TMTC4: variants seen among roughly 807,000 people sequenced by gnomAD.
The protein encoded by TMTC4 is transmembrane O-mannosyltransferase targeting cadherins 4.
TMTC4 carries 65 observed loss-of-function variants against 86.0 expected under a neutral mutation model. The ratio of observed to expected loss-of-function variants is 0.76; its 90% CI spans 0.62 to 0.93. The LOEUF is 0.93. TMTC4 is among the 40% of genes least tolerant of loss of function. TMTC4 has a pLI of 0.00. For synonymous variants in TMTC4, 379 were observed against 382.5 expected, an observed-to-expected ratio of 0.99 and a Z score of 0.11; for missense variants, 866 against 948.1, an observed-to-expected ratio of 0.91 and a Z score of 1.14.
intron 6 of TMTC4, among the ~76,000 whole-genome samples, chr13:100,644,815 A>T (rs78514290): frequency 7.1e-6 from 1 of 141,266 alleles, no homozygotes; most frequent in African/African-American, 2.6e-5. Flanking sequence ...AAACACAACG[A>T]ACATACTTTT....
intron 15 of TMTC4, among the ~76,000 whole-genome samples, chr13:100,618,603 G>A (rs1878944927): frequency 6.6e-6 from 1 of 151,878 alleles, no homozygotes; most frequent in Non-Finnish European, 1.5e-5. Context: ...AGTGAACAAA[G>A]GTCTCTGGTT....
intron 6 of TMTC4, 61 bp from the exon 7 acceptor site, chr13:100,642,372 T>C: frequency 6.3e-7 from 1 of 1,578,886 alleles, no homozygotes; most frequent in Non-Finnish European, 8.7e-7. Flanking sequence ...TTTTTTAGCA[T>C]CAGGAACTAA....
chr13:100,661,565 C>A (rs1300781810), intron 5 of TMTC4, among the ~76,000 whole-genome samples: 3 of 152,098 alleles, frequency 2.0e-5, no homozygotes, highest in Admixed American at 6.6e-5. Flanking sequence ...GAACTCAGAT[C>A]GAAACAAAGT....
chr13:100,647,887 A>G (rs1054795726), intron 6 of TMTC4, among the ~76,000 whole-genome samples: 1 of 152,198 alleles, frequency 6.6e-6, no homozygotes, highest in African/African-American at 2.4e-5. Flanking sequence ...TAGAAAACAC[A>G]GCCTTCAGGT....
intron 18 of TMTC4, 148 bp downstream of exon 18, chr13:100,606,210 C>T: frequency 1.4e-6 from 1 of 728,620 alleles, no homozygotes; most frequent in Non-Finnish European, 2.4e-6. Context: ...TATCACTTTG[C>T]TATCTTTTTA....
At position 100,663,059 on chromosome 13, in the gene TMTC4, G is replaced by A. The variant is rs1885977182; in HGVS notation, c.457C>T (p.Gln153Ter). Reference protein sequence around the residue: ...DVFSVLFGGLQYTSKGRRLHL... With the variant: ...DVFSVLFGGL Reference sequence around the variant, plus strand: ...AGCCTCCGGCCTTTACTGGTGTACTGCAGGCCGCCAAACAGAACCGAGAAG... The same window carrying A: ...AGCCTCCGGCCTTTACTGGTGTACTACAGGCCGCCAAACAGAACCGAGAAG... Residue 153 changes from glutamine to a stop codon, truncating the protein, a stop_gained, in exon 5 of 19, where the codon CAG (glutamine) becomes TAG (stop). Transcript: ENST00000342624. LOFTEE classifies it high-confidence loss of function. 1 of 1,614,228 alleles carries A rather than the reference G, an allele frequency of 6.2e-7. No homozygotes were observed. Among genetic ancestry groups the A allele is most frequent in the Non-Finnish European group, 8.5e-7 (1 of 1,180,042 alleles).
chr13:100,637,776 G>A lies in TMTC4; in HGVS notation c.835-74C>T, dbSNP rs1037960236. 8 of 1,577,156 alleles carry A rather than the reference G, an allele frequency of 5.1e-6. No individual in the cohort carries two copies. The African/African-American group carries it at 9.4e-5, about 19-fold the overall frequency. On this transcript the variant is annotated intron_variant, in intron 8 of 18. Transcript: ENST00000342624. ...GTGTGGCTGAGCCAGGTACAGATGTGCAGCAATTCTGCCTGAACTGCTTCA... is the reference window on the plus strand; with the variant it reads ...GTGTGGCTGAGCCAGGTACAGATGTACAGCAATTCTGCCTGAACTGCTTCA...
chr13:100,620,747 G>A (rs1011448761), intron 15 of TMTC4, among the ~76,000 whole-genome samples: 2 of 152,134 alleles, frequency 1.3e-5, no homozygotes, highest in African/African-American at 4.8e-5. Context: ...TTCCACAAGA[G>A]AACTGCCTTA....
At chr13:100,607,599 C>T (rs1439670957) in intron 17 of TMTC4, among the ~76,000 whole-genome samples, 1 of 149,818 alleles carries the variant, frequency 6.7e-6, no homozygotes, top group African/African-American at 2.5e-5. Flanking sequence ...GTGCCTTCTA[C>T]CTGGGTCATA....
At chr13:100,646,791 T>C (rs755334404) in intron 6 of TMTC4, among the ~76,000 whole-genome samples, 1 of 152,208 alleles carries the variant, frequency 6.6e-6, no homozygotes, top group African/African-American at 2.4e-5. Context: ...TGTCAAAAGA[T>C]CACAATAAGG....
Position 100,663,015 on chromosome 13 carries a change from C to T in TMTC4, c.501G>A (p.Ala167=), listed in dbSNP as rs201804960. The T allele has an allele frequency of 3.5e-3, 5,669 of 1,614,120 alleles. 53 individuals are homozygous for T. The highest frequency in any genetic ancestry group is 0.013 in the South Asian group (1,178 of 91,080). The change falls in exon 5 of 19, where the codon GCG becomes GCA. Residue 167 remains alanine, a synonymous_variant. Transcript: ENST00000342624. ...KGRRLHLAPR[A]SLLAALLFAV... is the part of the protein sequence containing the mutation. ...CAAACAGCAGCGCGGCCAGCAGGGA[C>T]GCCCTGGGGGCGAGGTGCAGCCTCC...
At chr13:100,649,005 T>A (rs1884095195) in intron 6 of TMTC4, among the ~76,000 whole-genome samples, 1 of 152,174 alleles carries the variant, frequency 6.6e-6, no homozygotes, top group Admixed American at 6.5e-5. Flanking sequence ...CAATATTTTA[T>A]CCAGTCATAA....
intron 1 of TMTC4, 80 bp downstream of exon 1, chr13:100,674,664 G>A (rs1207111424): frequency 1.6e-5 from 16 of 982,858 alleles, no homozygotes; most frequent in African/African-American, 3.5e-5. Flanking sequence ...GGCGGCAGCG[G>A]GGAACCCGCG....
At chr13:100,647,631 A>G (rs994077673) in intron 6 of TMTC4, among the ~76,000 whole-genome samples, 2 of 152,202 alleles carry the variant, frequency 1.3e-5, no homozygotes, top group African/African-American at 4.8e-5. Context: ...AACATGGATT[A>G]ATTTTCCCCC....
Position 100,637,560 on chromosome 13 carries a change from A to T in TMTC4, c.977T>A (p.Phe326Tyr). The T allele has an allele frequency of 1.9e-6, 3 of 1,613,916 alleles. No individual in the cohort carries two copies. The highest frequency in any genetic ancestry group is 2.5e-6 in the Non-Finnish European group (3 of 1,179,918). ...AFTEVDNPASFADSMLVRAVN... is the reference protein window; with the variant it reads ...AFTEVDNPASYADSMLVRAVN... ...CACCCTCACCAGCATGCTGTCAGCA[A>T]AGGAGGCCGGGTTGTCCACCTCGGT... is the stretch of plus-strand genomic sequence containing the variant. Residue 326 changes from phenylalanine to tyrosine, a missense_variant, in exon 9 of 19, where the codon TTT becomes TAT. By Grantham distance (22) the Phe-to-Tyr change is conservative. Coordinates refer to ENST00000342624, the MANE Select transcript of TMTC4 (RefSeq NM_032813.5).
chr13:100,606,144 G>C (rs930902211), intron 18 of TMTC4, among the ~76,000 whole-genome samples: 1 of 152,192 alleles, frequency 6.6e-6, no homozygotes, highest in Non-Finnish European at 1.5e-5. Flanking sequence ...GAAGGTAATA[G>C]AGTGGGCAAA....
At chr13:100,610,338 G>A (rs563025565) in intron 17 of TMTC4, among the ~76,000 whole-genome samples, 3 of 152,300 alleles carry the variant, frequency 2.0e-5, no homozygotes, top group African/African-American at 7.2e-5. Context: ...TGCCAGGGAT[G>A]CAGCTGACCA....
chr13:100,669,390 G>A (rs1037228406), intron 2 of TMTC4, among the ~76,000 whole-genome samples: 1 of 152,134 alleles, frequency 6.6e-6, no homozygotes, highest in Admixed American at 6.5e-5. Context: ...TAGGCTACTG[G>A]CTCAACACAG....
At chr13:100,668,243 A>T in intron 3 of TMTC4, 1 of 184,404 alleles carries the variant, frequency 5.4e-6, no homozygotes. Context: ...ACAACTGTGG[A>T]AATGTTTTGC....
Sources: gnomAD v4.1 joint callset for allele counts (sites outside exome capture counted in the v4.1 genomes callset) on GRCh38, gnomAD v4.1.1 for gene constraint, MANE v1.5 for transcripts, NCBI Gene and HGNC (gene_info 2026-07-23, HGNC 2026-07-21) for gene names.